The following PCDHGB5 variants were observed in gnomAD, a reference collection of about 807,000 sequenced individuals.
PCDHGB5 encodes the protein protocadherin gamma-B5.
In PCDHGB5, 48 loss-of-function variants were observed where a neutral mutation model predicts 62.9. That is an observed-to-expected ratio of 0.76 (90% CI 0.61 to 0.97). PCDHGB5 has a LOEUF of 0.97. Ranked by LOEUF, PCDHGB5 falls within the 50% of genes least tolerant of loss-of-function variation. PCDHGB5 has a pLI of 0.00. For missense variants in PCDHGB5, 1,118 were observed against 1,198.6 expected (o/e 0.93, Z 0.99); for synonymous variants, 474 against 511.2 (o/e 0.93, Z 0.98).
chr5:141,403,879 T>C (rs981085034), intron 1 of PCDHGB5: 19 of 1,613,692 alleles, frequency 1.2e-5, no homozygotes, highest in Non-Finnish European at 1.6e-5. Context: ...GTCTAGATTA[T>C]GAAGAATGTT....
chr5:141,435,940 G>A (rs2097787697), intron 1 of PCDHGB5, among the ~76,000 whole-genome samples: 1 of 152,066 alleles, frequency 6.6e-6, no homozygotes, highest in Admixed American at 6.5e-5. Flanking sequence ...CTGCTTCTGA[G>A]ACCAAAAAAG....
intron 1 of PCDHGB5, chr5:141,426,449 G>A (rs1449929836): frequency 1.6e-5 from 5 of 307,646 alleles, no homozygotes; most frequent in East Asian, 8.0e-5. Flanking sequence ...GAGGACATGC[G>A]GCTGCATGTT....
intron 1 of PCDHGB5, chr5:141,405,001 C>A: frequency 1.9e-6 from 3 of 1,614,008 alleles, no homozygotes; most frequent in Non-Finnish European, 2.5e-6. Flanking sequence ...TCCCTGCAGA[C>A]CTGGAGGCCT....
chr5:141,509,157 C>T lies in PCDHGB5; in HGVS notation c.2546-1790C>T, dbSNP rs369133984. Among the ~76,000 whole-genome samples the T allele has an allele frequency of 2.6e-4, 40 of 152,314 alleles. No individual in the cohort carries two copies. In the South Asian group the frequency reaches 7.0e-3, roughly 27 times the overall value. On this transcript the variant is annotated intron_variant, in intron 3 of 3. Transcript: ENST00000617380. The stretch of plus-strand genomic sequence containing the variant: ...GAGGCGCATCCCGGCTCTCCCCTCC[C>T]GTGTGCCCTCCTCCTCTTATGCCGG...
Position 141,432,806 on chromosome 5 carries a change from A to G in PCDHGB5, c.2397+32282A>G, listed in dbSNP as rs755248654. 12 of 1,614,070 alleles carry G rather than the reference A, an allele frequency of 7.4e-6. No individual in the cohort carries two copies. Among genetic ancestry groups the G allele is most frequent in the Non-Finnish European group, 9.3e-6 (11 of 1,179,972 alleles). On this transcript the variant is annotated intron_variant, in intron 1 of 3. Transcript: ENST00000617380. This position sits in a 1 kb window ranked among gnomAD's most constrained non-coding sequence, Gnocchi z 6.0. ...CCTCGGCAGCCTCGAGTCTCCAGCT[A>G]ACTCTGAAACCTCAGACCTCACTCT...
intron 1 of PCDHGB5, among the ~76,000 whole-genome samples, chr5:141,425,864 A>T (rs2096899427): frequency 6.6e-6 from 1 of 152,254 alleles, no homozygotes; most frequent in African/African-American, 2.4e-5. Flanking sequence ...TGTTCTATAG[A>T]TTCCCATCTC....
intron 1 of PCDHGB5, among the ~76,000 whole-genome samples, chr5:141,445,441 C>G (rs1201825256): frequency 6.6e-6 from 1 of 152,152 alleles, no homozygotes; most frequent in East Asian, 1.9e-4. Context: ...GACCTATGGA[C>G]TAAGGATGCA....
chr5:141,422,011 G>T (rs200879435), intron 1 of PCDHGB5: 2 of 1,610,252 alleles, frequency 1.2e-6, no homozygotes, highest in East Asian at 2.2e-5. Flanking sequence ...CGGAACTCGG[G>T]TGCTGATGGT....
In PCDHGB5 at chr5:141,399,557, T is replaced by TG; in HGVS notation, c.1434dup (p.Leu479ValfsTer39). The TG allele has an allele frequency of 1.2e-6, 2 of 1,613,968 alleles. No homozygotes were observed. Among genetic ancestry groups the TG allele is most frequent in the Non-Finnish European group, 1.7e-6 (2 of 1,179,868 alleles). On this transcript the variant is annotated frameshift_variant, in exon 1 of 4. Transcript: ENST00000617380. LOFTEE classifies it high-confidence loss of function. Reference sequence around the variant, plus strand: ...CAAGTCTGCGCCTCGGACCTGGACTTGGGGTTGAACGGCCAAGTCTCCTAC... The same window carrying TG: ...CAAGTCTGCGCCTCGGACCTGGACTTGGGGGTTGAACGGCCAAGTCTCCTAC...
intron 1 of PCDHGB5, chr5:141,404,260 T>G: frequency 6.2e-7 from 1 of 1,613,910 alleles, no homozygotes; most frequent in Non-Finnish European, 8.5e-7. Context: ...CCACAGAAAT[T>G]CACATCACCC....
At chr5:141,420,077 C>A (rs760626443) in intron 1 of PCDHGB5, 1 of 1,613,900 alleles carries the variant, frequency 6.2e-7, no homozygotes, top group Non-Finnish European at 8.5e-7. Context: ...ACCTGTGGGT[C>A]CCCCCAACTA....
intron 1 of PCDHGB5, chr5:141,484,976 G>T: frequency 1.7e-6 from 1 of 592,920 alleles, no homozygotes; most frequent in South Asian, 2.1e-5. Flanking sequence ...GCCGCTGTCT[G>T]CCAATCGGGT....
At chr5:141,400,769 T>C (rs2094071773) in intron 1 of PCDHGB5, 2 of 575,796 alleles carry the variant, frequency 3.5e-6, no homozygotes, top group Admixed American at 3.4e-5. Flanking sequence ...GCAAAAACAT[T>C]TGGTGCGTTT....
rs372168887 is a variant in PCDHGB5, at chr5:141,477,322, C to T, written c.2398-17485C>T. On this transcript the variant is annotated intron_variant, in intron 1 of 3. Transcript: ENST00000617380. The surrounding 1 kb of genome is among the most constrained non-coding windows in gnomAD (Gnocchi z 4.9). The stretch of plus-strand genomic sequence containing the variant: ...GTCTCCCTTTCAGCCTTACTTCTTC[C>T]CTCAAGAATTACTTCACTTTGAAAA... 17 of 1,614,050 alleles carry T rather than the reference C, an allele frequency of 1.1e-5. No homozygotes were observed. In the African/African-American group the frequency reaches 1.5e-4, roughly 14 times the overall value.
At chr5:141,473,066 A>G (rs1002054198) in intron 1 of PCDHGB5, among the ~76,000 whole-genome samples, 3 of 152,128 alleles carry the variant, frequency 2.0e-5, no homozygotes, top group African/African-American at 7.2e-5. Context: ...AACAAGTTAC[A>G]GCATCTTTGT....
intron 2 of PCDHGB5, among the ~76,000 whole-genome samples, chr5:141,501,075 A>C (rs980856799): frequency 6.6e-6 from 1 of 151,366 alleles, no homozygotes; most frequent in African/African-American, 2.4e-5. Context: ...CACCATGTTG[A>C]CCAGGATGGT....
chr5:141,450,468 A>G (rs1187171122), intron 1 of PCDHGB5, among the ~76,000 whole-genome samples: 2 of 151,696 alleles, frequency 1.3e-5, no homozygotes, highest in African/African-American at 4.9e-5. Flanking sequence ...TTTTATATAT[A>G]GAGTTTGTTT....
chr5:141,432,753 C>G lies in PCDHGB5; in HGVS notation c.2397+32229C>G. ...ACTGTCACGCTCACCGTGGCCGTGGCCGACAGCATCCCCCAAGTCCTGGCG... is the reference window on the plus strand; with the variant it reads ...ACTGTCACGCTCACCGTGGCCGTGGGCGACAGCATCCCCCAAGTCCTGGCG... On this transcript the variant is annotated intron_variant, in intron 1 of 3. Coordinates refer to ENST00000617380, the MANE Select transcript of PCDHGB5 (RefSeq NM_018925.3). The surrounding 1 kb of genome is among the most constrained non-coding windows in gnomAD (Gnocchi z 6.0). 1 of 1,614,138 alleles carries G rather than the reference C, an allele frequency of 6.2e-7. No individual in the cohort carries two copies. The highest frequency in any genetic ancestry group is 8.5e-7 in the Non-Finnish European group (1 of 1,179,996).
rs2099411033 is a variant in PCDHGB5, at chr5:141,477,423, C to T, written c.2398-17384C>T. ...ACCGCCCGAGACGCCGGAACCCCTT[C>T]CCTCTCAGCCCTTACAATAGTGCGT... On this transcript the variant is annotated intron_variant, in intron 1 of 3. Coordinates refer to ENST00000617380, the MANE Select transcript of PCDHGB5 (RefSeq NM_018925.3). This position sits in a 1 kb window ranked among gnomAD's most constrained non-coding sequence, Gnocchi z 4.9. 1.9e-6 allele frequency: 3 copies of T among 1,614,196 alleles called. No individual in the cohort carries two copies. The highest frequency in any genetic ancestry group is 2.2e-5 in the East Asian group (1 of 44,882).
Sources: gnomAD v4.1 joint callset for allele counts (sites outside exome capture counted in the v4.1 genomes callset) on GRCh38, gnomAD v4.1.1 for gene constraint, Gnocchi (gnomAD v3.1) non-coding constraint, MANE v1.5 for transcripts, NCBI Gene and HGNC (gene_info 2026-07-23, HGNC 2026-07-21) for gene names.